VAV3: variants seen among roughly 807,000 people sequenced by gnomAD.
VAV3 encodes vav guanine nucleotide exchange factor 3, also known as guanine nucleotide exchange factor VAV3.
A neutral mutation model predicts 131.2 loss-of-function variants in VAV3; 94 were observed. The ratio of observed to expected loss-of-function variants is 0.72; its 90% CI spans 0.61 to 0.85. VAV3 has a LOEUF of 0.85. Ranked by LOEUF, VAV3 falls within the 40% of genes least tolerant of loss-of-function variation. The probability of loss-of-function intolerance (pLI) is 0.00; values close to 1 mark genes in which losing one functional copy is unlikely to be tolerated. For synonymous variants in VAV3, 349 were observed against 342.0 expected (o/e 1.02, Z -0.22); for missense variants, 939 against 1,002.7 (o/e 0.94, Z 0.86).
intron 19 of VAV3, among the ~76,000 whole-genome samples, chr1:107,682,863 TC>T (rs1658746884): frequency 6.6e-6 from 1 of 152,166 alleles, no homozygotes; most frequent in African/African-American, 2.4e-5. Flanking sequence ...ACATAAAAAA[TC>T]TTTGGTAATT....
chr1:107,613,042 G>T (rs956802574), intron 21 of VAV3, among the ~76,000 whole-genome samples: 1 of 152,104 alleles, frequency 6.6e-6, no homozygotes, highest in African/African-American at 2.4e-5. Flanking sequence ...ATAGTTATGT[G>T]TGGGAGTATT....
At chr1:107,806,680 T>G (rs541141348) in intron 2 of VAV3, among the ~76,000 whole-genome samples, 4 of 152,174 alleles carry the variant, frequency 2.6e-5, no homozygotes, top group Non-Finnish European at 5.9e-5. Context: ...GAGGTGTTGC[T>G]CAGTCCAACA....
At chr1:107,788,057 T>C (rs990393502) in intron 2 of VAV3, among the ~76,000 whole-genome samples, 2 of 152,122 alleles carry the variant, frequency 1.3e-5, no homozygotes, top group African/African-American at 4.8e-5. Flanking sequence ...TCAGACTCTC[T>C]CAGATCCAAT....
chr1:107,724,818 C>A (rs1192311720), intron 15 of VAV3, among the ~76,000 whole-genome samples: 2 of 151,496 alleles, frequency 1.3e-5, no homozygotes, highest in Non-Finnish European at 2.9e-5. Flanking sequence ...CTGGTTGCAA[C>A]ACTGGATGTG....
At chr1:107,901,840 C>G (rs980871787) in intron 1 of VAV3, among the ~76,000 whole-genome samples, 1 of 151,950 alleles carries the variant, frequency 6.6e-6, no homozygotes, top group East Asian at 1.9e-4. Context: ...GTCAGCAGTT[C>G]GAGATCAGCC....
At chr1:107,665,717 G>A (rs751021768) in intron 19 of VAV3, among the ~76,000 whole-genome samples, 1 of 152,178 alleles carries the variant, frequency 6.6e-6, no homozygotes, top group Non-Finnish European at 1.5e-5. Context: ...CAGAGCCAGT[G>A]TCTTGCAGGC....
At chr1:107,600,013 G>C (rs1168298899) in intron 24 of VAV3, among the ~76,000 whole-genome samples, 1 of 151,888 alleles carries the variant, frequency 6.6e-6, no homozygotes, top group Non-Finnish European at 1.5e-5. Context: ...CCTTCCAGAA[G>C]TTCAGGTTGC....
chr1:107,854,520 T>C (rs1669377056), intron 2 of VAV3, among the ~76,000 whole-genome samples: 1 of 152,224 alleles, frequency 6.6e-6, no homozygotes, highest in South Asian at 2.1e-4. Flanking sequence ...ATATATTAGA[T>C]AACTTCATTC....
intron 24 of VAV3, 60 bp downstream of exon 24, chr1:107,602,337 G>T: frequency 2.5e-6 from 3 of 1,217,558 alleles, no homozygotes; most frequent in South Asian, 1.5e-5. Context: ...GAATTAAAAT[G>T]ACCTTTCTAA....
intron 2 of VAV3, among the ~76,000 whole-genome samples, chr1:107,800,798 T>C (rs1161791680): frequency 6.6e-6 from 1 of 152,220 alleles, no homozygotes; most frequent in Non-Finnish European, 1.5e-5. Flanking sequence ...GATTGTTATC[T>C]TTGCTGTGTA....
At chr1:107,798,303 A>T (rs1053823912) in intron 2 of VAV3, among the ~76,000 whole-genome samples, 1 of 152,102 alleles carries the variant, frequency 6.6e-6, no homozygotes. Flanking sequence ...TGCCTGTGTA[A>T]AAATAGGAGG....
At chr1:107,843,551 T>TTA (rs141323283) in intron 2 of VAV3, among the ~76,000 whole-genome samples, 117 of 145,966 alleles carry the variant, frequency 8.0e-4, no homozygotes, top group Admixed American at 4.5e-3. Flanking sequence ...ATATATATAT[T>TTA]TATATATATA....
intron 2 of VAV3, among the ~76,000 whole-genome samples, chr1:107,840,082 G>A (rs554657366): frequency 1.3e-5 from 2 of 152,170 alleles, no homozygotes; most frequent in African/African-American, 4.8e-5. Context: ...TCTACCAAAC[G>A]TTCAAGGAAA....
At chr1:107,890,585 A>AAG (rs938719326) in intron 1 of VAV3, among the ~76,000 whole-genome samples, 5 of 152,144 alleles carry the variant, frequency 3.3e-5, no homozygotes, top group African/African-American at 1.2e-4. Flanking sequence ...TTCCAGTGGG[A>AAG]AGAGAAAAAT....
intron 20 of VAV3, among the ~76,000 whole-genome samples, chr1:107,619,505 A>G (rs4600070): frequency 0.38 from 58,071 of 152,014 alleles, 11,581 homozygotes; most frequent in East Asian, 0.47. Context: ...ATATATAAAC[A>G]CACTACAATG....
intron 2 of VAV3, among the ~76,000 whole-genome samples, chr1:107,870,038 G>T (rs1670183763): frequency 6.6e-6 from 1 of 152,128 alleles, no homozygotes; most frequent in Admixed American, 6.5e-5. Flanking sequence ...CACATTGATT[G>T]ACGGGCATTT....
chr1:107,749,274 C>T (rs961026745), intron 14 of VAV3, among the ~76,000 whole-genome samples, 188 bp downstream of exon 14: 2 of 152,122 alleles, frequency 1.3e-5, no homozygotes, highest in African/African-American at 2.4e-5. Context: ...ATCATTAGGG[C>T]ATTAGAAATG....
intron 21 of VAV3, among the ~76,000 whole-genome samples, chr1:107,615,667 G>A (rs150153678): frequency 7.0e-4 from 106 of 152,160 alleles, no homozygotes; most frequent in Non-Finnish European, 1.1e-3. Context: ...AGGCAACATA[G>A]AGAATGGGAG....
chr1:107,792,503 T>C (rs566224569), intron 2 of VAV3, among the ~76,000 whole-genome samples: 1 of 152,254 alleles, frequency 6.6e-6, no homozygotes, highest in Admixed American at 6.5e-5. Flanking sequence ...TGCATATAAA[T>C]TTCAACAGGT....
Sources: allele counts gnomAD v4.1 joint callset (sites outside exome capture counted in the v4.1 genomes callset), GRCh38; gene constraint gnomAD v4.1.1; transcripts MANE v1.5; gene names NCBI Gene and HGNC (gene_info 2026-07-23, HGNC 2026-07-21).